The following MYO1E variants were observed in gnomAD, a reference collection of about 807,000 sequenced individuals.
MYO1E encodes the protein myosin IE.
Under a neutral mutation model 151.1 loss-of-function variants are expected in MYO1E, and 68 were observed. The observed-to-expected ratio is 0.45, with a 90% CI of 0.37 to 0.55. The LOEUF is 0.55. Among genes scored for constraint, MYO1E ranks in the 20% least tolerant of loss-of-function variants. The pLI, the probability that MYO1E is intolerant of heterozygous loss-of-function variation, is 0.00. For synonymous variants in MYO1E, 601 were observed against 501.7 expected, an observed-to-expected ratio of 1.20 and a Z score of -2.64; for missense variants, 1,363 against 1,389.3, an observed-to-expected ratio of 0.98 and a Z score of 0.30.
intron 17 of MYO1E, among the ~76,000 whole-genome samples, chr15:59,192,581 C>T (rs1289581239): frequency 5.3e-5 from 8 of 152,158 alleles, no homozygotes; most frequent in African/African-American, 1.7e-4. Flanking sequence ...ATGCCAACTC[C>T]GTCTTGCAGA....
intron 14 of MYO1E, chr15:59,206,795 G>A (rs1296649552): frequency 8.0e-6 from 6 of 754,624 alleles, no homozygotes; most frequent in East Asian, 2.7e-5. Context: ...GGCAAGGCCC[G>A]CGCAGCCGCA....
At chr15:59,244,792 C>T (rs1265257193) in intron 4 of MYO1E, among the ~76,000 whole-genome samples, 1 of 152,002 alleles carries the variant, frequency 6.6e-6, no homozygotes, top group Non-Finnish European at 1.5e-5. Context: ...GCTAGGCTGA[C>T]GTAAAGATGA....
intron 1 of MYO1E, among the ~76,000 whole-genome samples, chr15:59,318,908 T>A (rs545352071): frequency 1.3e-5 from 2 of 152,228 alleles, no homozygotes; most frequent in African/African-American, 4.8e-5. Context: ...TTATAGAAAC[T>A]GGGCATTTTA....
At chr15:59,329,301 C>A (rs948994361) in intron 1 of MYO1E, among the ~76,000 whole-genome samples, 3 of 152,096 alleles carry the variant, frequency 2.0e-5, no homozygotes, top group South Asian at 2.1e-4. Flanking sequence ...ACTGTTCTAA[C>A]CTATATTCAG....
intron 3 of MYO1E, among the ~76,000 whole-genome samples, chr15:59,257,381 C>G (rs1426952311): frequency 6.6e-6 from 1 of 152,008 alleles, no homozygotes; most frequent in African/African-American, 2.4e-5. Context: ...GGTGGGAGGA[C>G]AGCTTGAGTC....
In MYO1E at chr15:59,161,563, G is replaced by A. The variant is rs569271578; in HGVS notation, c.2628-333C>T. On this transcript the variant is annotated intron_variant, in intron 23 of 27. Transcript: ENST00000288235. ...GGACAGAGGAAAGAGACAATTTCCAGGTCATACCGCTGTGCTGTCATTGTG... is the reference window on the plus strand; with the variant it reads ...GGACAGAGGAAAGAGACAATTTCCAAGTCATACCGCTGTGCTGTCATTGTG... 9.7e-4 allele frequency among the ~76,000 whole-genome samples: 148 copies of A among 152,280 alleles called. 1 individual carries two copies. Among genetic ancestry groups the A allele is most frequent in the African/African-American group, 3.3e-3 (136 of 41,570 alleles).
At chr15:59,151,878 C>G (rs1291503000) in intron 26 of MYO1E, among the ~76,000 whole-genome samples, 2 of 148,090 alleles carry the variant, frequency 1.4e-5, no homozygotes, top group Non-Finnish European at 3.0e-5. Flanking sequence ...AAACTCTTGT[C>G]TCTACAAAAA....
intron 1 of MYO1E, among the ~76,000 whole-genome samples, chr15:59,280,124 T>G (rs956658169): frequency 6.6e-6 from 1 of 152,182 alleles, no homozygotes; most frequent in African/African-American, 2.4e-5. Flanking sequence ...CTTGCAGATA[T>G]AGCAAACTTT....
At chr15:59,309,796 A>G (rs1460187219) in intron 1 of MYO1E, among the ~76,000 whole-genome samples, 2 of 152,200 alleles carry the variant, frequency 1.3e-5, no homozygotes, top group Admixed American at 6.5e-5. Context: ...TTGGCAGCAC[A>G]TAAAGCATAA....
intron 1 of MYO1E, among the ~76,000 whole-genome samples, chr15:59,347,150 G>A (rs1419600833): frequency 2.6e-5 from 4 of 152,208 alleles, no homozygotes; most frequent in African/African-American, 7.2e-5. Flanking sequence ...AGCAGCAGGT[G>A]AGTGGCTGGT....
intron 9 of MYO1E, among the ~76,000 whole-genome samples, chr15:59,220,514 G>C (rs1326062883): frequency 6.6e-6 from 1 of 152,160 alleles, no homozygotes; most frequent in Non-Finnish European, 1.5e-5. Context: ...TTTTGCTTTA[G>C]TAGGCCAGTT....
chr15:59,144,151 TTTTA>T (rs1204007126), intron 26 of MYO1E, among the ~76,000 whole-genome samples: 3 of 152,074 alleles, frequency 2.0e-5, no homozygotes, highest in South Asian at 2.1e-4. Flanking sequence ...TTCTTTTTCC[TTTTA>T]TTTATTTATT....
intron 10 of MYO1E, among the ~76,000 whole-genome samples, chr15:59,215,613 C>A (rs188984464): frequency 1.3e-5 from 2 of 152,060 alleles, no homozygotes; most frequent in Non-Finnish European, 2.9e-5. Flanking sequence ...AATACCTGGA[C>A]GAATTCTGAA....
At chr15:59,372,472 C>T in intron 1 of MYO1E, 26 bp downstream of exon 1, 1 of 1,538,260 alleles carries the variant, frequency 6.5e-7, no homozygotes, top group South Asian at 1.2e-5. Context: ...GGTCCGGCGT[C>T]CTAGGACGCG....
intron 5 of MYO1E, among the ~76,000 whole-genome samples, chr15:59,235,043 G>A (rs2080054211): frequency 6.6e-6 from 1 of 152,070 alleles, no homozygotes; most frequent in South Asian, 2.1e-4. Flanking sequence ...TGGCTCTGGG[G>A]AGCAGGCTTT....
At chr15:59,294,685 C>T (rs545780815) in intron 1 of MYO1E, among the ~76,000 whole-genome samples, 9 of 152,288 alleles carry the variant, frequency 5.9e-5, no homozygotes, top group African/African-American at 2.2e-4. Context: ...TTCCTAACAG[C>T]CAGGGTTTCT....
intron 25 of MYO1E, among the ~76,000 whole-genome samples, chr15:59,155,835 G>C (rs1190873025): frequency 2.1e-5 from 3 of 146,122 alleles, no homozygotes; most frequent in African/African-American, 7.4e-5. Context: ...TGAGATTCCA[G>C]AGACTAAAGA....
chr15:59,136,594 A>G lies in MYO1E; in HGVS notation c.*786T>C. ...ACTTAGTACATTCATACATGTTTCTACCATCTCAAGATTTTTATATATACA... is the reference window on the plus strand; with the variant it reads ...ACTTAGTACATTCATACATGTTTCTGCCATCTCAAGATTTTTATATATACA... On this transcript the variant is annotated 3_prime_UTR_variant, in exon 28 of 28. Transcript: ENST00000288235. 2 of 410,198 alleles carry G rather than the reference A, an allele frequency of 4.9e-6. No homozygotes were observed. The highest frequency in any genetic ancestry group is 3.5e-5 in the South Asian group (2 of 57,214). 25.4% of individuals were successfully genotyped at this position (410,198 alleles called of 1,614,324 possible).
intron 22 of MYO1E, among the ~76,000 whole-genome samples, chr15:59,166,682 C>T (rs2079564335): frequency 6.6e-6 from 1 of 151,910 alleles, no homozygotes; most frequent in South Asian, 2.1e-4. Context: ...GGAGGCGAAT[C>T]AAGAAGAAAA....
Sources: gnomAD v4.1 joint callset for allele counts (sites outside exome capture counted in the v4.1 genomes callset) on GRCh38, gnomAD v4.1.1 for gene constraint, MANE v1.5 for transcripts, NCBI Gene and HGNC (gene_info 2026-07-23, HGNC 2026-07-21) for gene names.